SMARCA5: variants seen among roughly 807,000 people sequenced by gnomAD.
SMARCA5 encodes the protein SNF2 related chromatin remodeling ATPase 5.
Under a neutral mutation model 140.4 loss-of-function variants are expected in SMARCA5, and 18 were observed. That is an observed-to-expected ratio of 0.13 (90% CI 0.09 to 0.19). SMARCA5 has a LOEUF of 0.19. Among genes scored for constraint, SMARCA5 ranks in the 10% least tolerant of loss-of-function variants. The pLI is 1.00. For synonymous variants in SMARCA5, 449 were observed against 419.6 expected (o/e 1.07, Z -0.86); for missense variants, 606 against 1,276.8 (o/e 0.47, Z 8.01).
At position 143,536,468 on chromosome 4, in the gene SMARCA5, A is replaced by T. The variant is rs1662990515; in HGVS notation, c.1285A>T (p.Met429Leu). ...MQREWYTRILMKDIDILNSAG... is the reference protein window; with the variant it reads ...MQREWYTRILLKDIDILNSAG... ...TTTGAATAGGTATACTCGGATATTAATGAAGGATATAGATATACTCAACTC... is the reference window on the plus strand; with the variant it reads ...TTTGAATAGGTATACTCGGATATTATTGAAGGATATAGATATACTCAACTC... Residue 429 changes from methionine (M) to leucine (L), a missense_variant, in exon 11 of 24, where the codon ATG (methionine) becomes TTG (leucine). Physicochemically the swap from Met to Leu is conservative, Grantham distance 15. Transcript: ENST00000283131. 1.2e-6 allele frequency: 2 copies of T among 1,611,854 alleles called. No individual in the cohort carries two copies. The highest frequency in any genetic ancestry group is 1.3e-5 in the African/African-American group (1 of 74,874).
chr4:143,532,649 T>C (rs1257757651), intron 9 of SMARCA5, among the ~76,000 whole-genome samples: 1 of 152,152 alleles, frequency 6.6e-6, no homozygotes, highest in Admixed American at 6.5e-5. Context: ...GTATTAGTTA[T>C]CTAATGCTGC....
intron 6 of SMARCA5, 128 bp downstream of exon 6, chr4:143,526,588 G>A: frequency 3.0e-6 from 2 of 661,590 alleles, no homozygotes; most frequent in South Asian, 3.9e-5. Context: ...TACAAATGTA[G>A]CATTGTCTTG....
intron 11 of SMARCA5, among the ~76,000 whole-genome samples, chr4:143,537,049 T>C (rs1324654862): frequency 1.3e-5 from 2 of 152,198 alleles, no homozygotes; most frequent in Non-Finnish European, 2.9e-5. Context: ...TTTTTAATTA[T>C]TTATGTGGAG....
intron 1 of SMARCA5, 95 bp from the exon 2 acceptor site, chr4:143,517,260 T>C: frequency 1.3e-6 from 1 of 777,592 alleles, no homozygotes; most frequent in Non-Finnish European, 2.0e-6. Flanking sequence ...GGTGAGAATG[T>C]ATTATTTAAG....
At position 143,557,090 on chromosome 4, in the gene SMARCA5, A is replaced by G. The variant is rs1737774491; in HGVS notation, c.*3906A>G. On this transcript the variant is annotated 3_prime_UTR_variant, in exon 24 of 24. Transcript: ENST00000283131. The stretch of plus-strand genomic sequence containing the variant: ...TCCCTTGTGTCCGGAGAGATTCCCT[A>G]GCTCTAATGACAGCTTTTTTGGGGG... 6.6e-6 allele frequency: 1 copy of G among 152,202 alleles called. No individual in the cohort carries two copies. Among genetic ancestry groups the G allele is most frequent in the South Asian group, 2.1e-4 (1 of 4,826 alleles). 9.4% of individuals were successfully genotyped at this position (152,202 alleles called of 1,614,324 possible). A position where few individuals can be genotyped will look rare whatever the true frequency, so the allele number is the denominator to read the frequency against.
At position 143,546,919 on chromosome 4, in the gene SMARCA5, T is replaced by C. The variant is rs1462779948; in HGVS notation, c.2653+11T>C. 10 of 1,611,576 alleles carry C rather than the reference T, an allele frequency of 6.2e-6. No individual in the cohort carries two copies. Among genetic ancestry groups the C allele is most frequent in the Non-Finnish European group, 8.5e-6 (10 of 1,178,552 alleles). ...TCATTGAATATTCAGGTAATTCTTT[T>C]AAGCAGGCTGTTGGAGTTTAGTAAG... On this transcript the variant is annotated intron_variant, in intron 20 of 23. Transcript: ENST00000283131.
rs768354576 is a variant in SMARCA5 at position 143,528,034 on chromosome 4, A to G, written c.957+11A>G. 1 of 1,542,406 alleles carries G rather than the reference A, an allele frequency of 6.5e-7. No individual in the cohort carries two copies. Among genetic ancestry groups the G allele is most frequent in the Admixed American group, 2.3e-5 (1 of 43,446 alleles). Reference sequence around the variant, plus strand: ...AATGAAAAATCTAAGGTAATTTGATACTTAGATGTGAAAAGCCTTCATGTA... The same window carrying G: ...AATGAAAAATCTAAGGTAATTTGATGCTTAGATGTGAAAAGCCTTCATGTA... On this transcript the variant is annotated intron_variant, in intron 7 of 23. Coordinates refer to ENST00000283131, the MANE Select transcript of SMARCA5 (RefSeq NM_003601.4).
At chr4:143,544,065 T>A in intron 16 of SMARCA5, 93 bp downstream of exon 16, 1 of 962,972 alleles carries the variant, frequency 1.0e-6, no homozygotes, top group Non-Finnish European at 1.4e-6. Flanking sequence ...TAATTTTGCT[T>A]AAAACAGTAG....
chr4:143,553,024 AG>A, intron 23 of SMARCA5, 94 bp from the exon 24 acceptor site: 1 of 885,212 alleles, frequency 1.1e-6, no homozygotes, highest in Non-Finnish European at 1.9e-6. Context: ...ATTACTTTGT[AG>A]TAGTTGTTAT....
At position 143,545,907 on chromosome 4, in the gene SMARCA5, T is replaced by C. The variant is rs111798944; in HGVS notation, c.2398-18T>C. The C allele has an allele frequency of 5.7e-6, 9 of 1,592,010 alleles. No individual in the cohort carries two copies. The highest frequency in any genetic ancestry group is 7.7e-6 in the Non-Finnish European group (9 of 1,172,976). On this transcript the variant is annotated intron_variant, in intron 18 of 23. Coordinates refer to ENST00000283131, the MANE Select transcript of SMARCA5 (RefSeq NM_003601.4). ...TTTAAAATTTACTGATTTGATGGCA[T>C]AGAAAAATATCTTTTAGGTACCTCG... is the stretch of plus-strand genomic sequence containing the variant.
At chr4:143,537,519 A>T (rs1245845702) in intron 11 of SMARCA5, among the ~76,000 whole-genome samples, 1 of 152,196 alleles carries the variant, frequency 6.6e-6, no homozygotes, top group Non-Finnish European at 1.5e-5. Flanking sequence ...TTTTTAAAAA[A>T]TGCTTTCCTT....
intron 9 of SMARCA5, among the ~76,000 whole-genome samples, chr4:143,531,735 T>A (rs1737189461): frequency 6.6e-6 from 1 of 152,234 alleles, no homozygotes; most frequent in Non-Finnish European, 1.5e-5. Context: ...GAGCTTTAAT[T>A]TGATAGATTG....
chr4:143,548,310 C>T (rs768707664), intron 22 of SMARCA5, 170 bp downstream of exon 22: 1 of 460,798 alleles, frequency 2.2e-6, no homozygotes, highest in Non-Finnish European at 3.9e-6. Flanking sequence ...TTGGTCCTAT[C>T]CTTTAGTATC....
chr4:143,545,938 C>T lies in SMARCA5; in HGVS notation c.2411C>T (p.Pro804Leu). ...AATATCTTTTAGGTACCTCGAAATC[C>T]TGAGCTGCCTAATGCAGCACAGGCA... Reference protein sequence around the residue: ...KTIGYKVPRNPELPNAAQAQK... With the variant: ...KTIGYKVPRNLELPNAAQAQK... Residue 804 changes from proline to leucine, a missense_variant, in exon 19 of 24, where the codon CCT becomes CTT. Pro to Leu is a moderately conservative substitution (Grantham distance 98). Coordinates refer to ENST00000283131, the MANE Select transcript of SMARCA5 (RefSeq NM_003601.4). 1 of 1,602,826 alleles carries T rather than the reference C, an allele frequency of 6.2e-7. No individual in the cohort carries two copies. Among genetic ancestry groups the T allele is most frequent in the Non-Finnish European group, 8.5e-7 (1 of 1,176,630 alleles).
chr4:143,524,270 G>T, intron 3 of SMARCA5, 97 bp from the exon 4 acceptor site: 2 of 702,658 alleles, frequency 2.8e-6, no homozygotes, highest in Non-Finnish European at 4.7e-6. Context: ...ATTTAATTTT[G>T]TGGAATCTTG....
rs1278426024 is a variant in SMARCA5 at position 143,530,630 on chromosome 4, A to G, written c.1158+104A>G. 5.5e-6 allele frequency: 4 copies of G among 720,722 alleles called. No individual in the cohort carries two copies. The East Asian group carries it at 1.1e-4, about 20-fold the overall frequency. 44.6% of individuals were successfully genotyped at this position (720,722 alleles called of 1,614,324 possible). On this transcript the variant is annotated intron_variant, in intron 9 of 23. Transcript: ENST00000283131. ...TGTTAATAAAAAACACAATGGCTTA[A>G]GAATCAGATCTGCTTGAATTCTGAC...
chr4:143,531,681 C>T (rs750788299), intron 9 of SMARCA5, among the ~76,000 whole-genome samples: 8 of 152,212 alleles, frequency 5.3e-5, no homozygotes, highest in Non-Finnish European at 1.2e-4. Context: ...CATGACCTAA[C>T]CTTTTTAACA....
Position 143,525,520 on chromosome 4 carries a change from A to G in SMARCA5, c.590A>G (p.Asn197Ser). 1 of 1,612,188 alleles carries G rather than the reference A, an allele frequency of 6.2e-7. No individual in the cohort carries two copies. ...AACTGGCTCATTTCTTTGTATGAGA[A>G]TGGCATCAATGGTATCCTTGCAGAT... ...GLNWLISLYE[N>S]GINGILADEM... The change falls in exon 5 of 24, where the codon AAT becomes AGT. Residue 197 changes from asparagine to serine, a missense_variant. Around this residue, in one of 10 missense-constraint regions of SMARCA5, gnomAD observed 110 missense variants for 287.7 expected, o/e 0.38. Coordinates refer to ENST00000283131, the MANE Select transcript of SMARCA5 (RefSeq NM_003601.4).
In SMARCA5 at chr4:143,545,547, A is replaced by G. The variant is rs1461724400; in HGVS notation, c.2361A>G (p.Lys787=). The change falls in exon 18 of 24, where the codon AAA becomes AAG. Residue 787 remains lysine (K), a synonymous_variant. Transcript: ENST00000283131. ...FPPRLFELLE[K]EILFYRKTIG... The stretch of plus-strand genomic sequence containing the variant: ...CACGTTTATTTGAATTACTGGAAAA[A>G]GAAATTCTGTTTTACAGAAAAACTA... 1.9e-6 allele frequency: 3 copies of G among 1,609,256 alleles called. No homozygotes were observed. The African/African-American group carries it at 4.0e-5, about 22-fold the overall frequency.
Sources: allele counts gnomAD v4.1 joint callset (sites outside exome capture counted in the v4.1 genomes callset), GRCh38; gene constraint gnomAD v4.1.1; regional missense constraint gnomAD v4.1.1; transcripts MANE v1.5; gene names NCBI Gene and HGNC (gene_info 2026-07-23, HGNC 2026-07-21).